KIF17: variants seen among roughly 807,000 people sequenced by gnomAD.
The protein encoded by KIF17 is kinesin family member 17, also known as kinesin-like protein KIF17.
In KIF17, 80 loss-of-function variants were observed where a neutral mutation model predicts 96.8. That is an observed-to-expected ratio of 0.83 (90% CI 0.69 to 1.00). The LOEUF is 1.00. Among genes scored for constraint, KIF17 ranks in the 50% least tolerant of loss-of-function variants. The pLI is 0.00. For missense variants in KIF17, 1,280 were observed against 1,372.9 expected (o/e 0.93, Z 1.07); for synonymous variants, 567 against 587.5 (o/e 0.97, Z 0.51).
intron 10 of KIF17, 66 bp from the exon 11 acceptor site, chr1:20,682,950 C>T: frequency 2.1e-6 from 3 of 1,414,204 alleles, no homozygotes; most frequent in Non-Finnish European, 3.0e-6. Context: ...TGCCATCCAG[C>T]AGGCTCCAGG....
intron 11 of KIF17, among the ~76,000 whole-genome samples, chr1:20,680,055 G>A (rs540345698): frequency 9.2e-5 from 14 of 152,212 alleles, no homozygotes; most frequent in African/African-American, 7.2e-5. Flanking sequence ...CACGATCTCC[G>A]CTCACTGCAA....
At position 20,684,844 on chromosome 1, in the gene KIF17, C is replaced by T. The variant is rs766994045; in HGVS notation, c.2196G>A (p.Pro732=). The T allele has an allele frequency of 1.8e-5, 29 of 1,593,176 alleles. No individual in the cohort carries two copies. In the East Asian group the frequency reaches 5.3e-4, roughly 29 times the overall value. ...CCTGCTGCTGGTCCACAACGGGCAG[C>T]GGGTCATCAGTCAGCACTGCCACCT... ...GMEVAVLTDD[P]LPVVDQQQVL... is the part of the protein sequence containing the mutation. The change falls in exon 10 of 15, where the codon CCG becomes CCA. Residue 732 remains proline (P), a synonymous_variant. Transcript: ENST00000400463.
intron 10 of KIF17, among the ~76,000 whole-genome samples, chr1:20,684,264 G>A (rs1203723216): frequency 6.6e-6 from 1 of 152,246 alleles, no homozygotes; most frequent in Admixed American, 6.5e-5. Context: ...AGCACTCAGG[G>A]GTCGCTCAGT....
At chr1:20,669,361 C>T (rs2053594964) in intron 13 of KIF17, among the ~76,000 whole-genome samples, 1 of 151,778 alleles carries the variant, frequency 6.6e-6, no homozygotes, top group African/African-American at 2.4e-5. Context: ...CACAGTGAAA[C>T]CCCGTCTCTA....
intron 6 of KIF17, among the ~76,000 whole-genome samples, chr1:20,697,596 C>T (rs1000879740): frequency 6.6e-5 from 10 of 152,084 alleles, no homozygotes; most frequent in South Asian, 2.1e-4. Context: ...GACAACAAGA[C>T]GCTGTCTCAA....
intron 2 of KIF17, among the ~76,000 whole-genome samples, chr1:20,714,063 C>T (rs1167232724): frequency 1.3e-5 from 2 of 152,130 alleles, no homozygotes; most frequent in African/African-American, 4.8e-5. Context: ...CGCGGTGGCT[C>T]ACGCCTGCAA....
chr1:20,713,596 G>A (rs763227674), intron 2 of KIF17, 41 bp from the exon 3 acceptor site: 7 of 1,456,178 alleles, frequency 4.8e-6, no homozygotes, highest in Middle Eastern at 1.7e-4. Flanking sequence ...CTCAGAGCTC[G>A]AAGTCCACCT....
At position 20,684,834 on chromosome 1, in the gene KIF17, C is replaced by T. The variant is rs1383931789; in HGVS notation, c.2206G>A (p.Val736Met). The change falls in exon 10 of 15, where the codon GTG becomes ATG. Residue 736 changes from valine (V) to methionine (M), a missense_variant. Physicochemically the swap from Val to Met is conservative, Grantham distance 21. Transcript: ENST00000400463. ...AVLTDDPLPV[V>M]DQQQVLARLQ... is the part of the protein sequence containing the mutation. ...CGGGCCAGCACCTGCTGCTGGTCCA[C>T]AACGGGCAGCGGGTCATCAGTCAGC... The T allele has an allele frequency of 6.3e-7, 1 of 1,589,772 alleles. No homozygotes were observed. Among genetic ancestry groups the T allele is most frequent in the Non-Finnish European group, 8.6e-7 (1 of 1,168,458 alleles).
At chr1:20,665,417 T>TTTTG (rs2053509886) in intron 14 of KIF17, among the ~76,000 whole-genome samples, 1 of 144,770 alleles carries the variant, frequency 6.9e-6, no homozygotes, top group Non-Finnish European at 1.5e-5. Flanking sequence ...TTTTTTTTTT[T>TTTTG]GAGACAGGGT....
Position 20,690,352 on chromosome 1 carries a change from G to GGCCCCCCC in KIF17, c.1234-18_1234-17insGGGGGGGC. ...TTCATACTCCTGGGGGGGTGGGAGGGACCAGAGGGCAGGCAGCATTTTATC... is the reference window on the plus strand; with the variant it reads ...TTCATACTCCTGGGGGGGTGGGAGGGGCCCCCCCACCAGAGGGCAGGCAGCATTTTATC... On this transcript the variant is annotated splice_polypyrimidine_tract_variant and intron_variant, in intron 6 of 14. Transcript: ENST00000400463. 8.9e-6 allele frequency: 4 copies of GGCCCCCCC among 451,124 alleles called. No individual in the cohort carries two copies. Among genetic ancestry groups the GGCCCCCCC allele is most frequent in the Non-Finnish European group, 1.3e-5 (3 of 235,116 alleles). The allele number at this position is 451,124 out of a possible 1,614,324, so 27.9% of individuals were successfully genotyped here.
At chr1:20,686,022 A>C in intron 9 of KIF17, 24 bp downstream of exon 9, 2 of 1,538,114 alleles carry the variant, frequency 1.3e-6, no homozygotes, top group Non-Finnish European at 1.8e-6. Context: ...CGTCCCCCAC[A>C]TGGAGGCCCG....
At chr1:20,705,770 G>GC (rs2054329933) in intron 4 of KIF17, among the ~76,000 whole-genome samples, 1 of 152,044 alleles carries the variant, frequency 6.6e-6, no homozygotes, top group African/African-American at 2.4e-5. Context: ...GTGATTCTGA[G>GC]CAAGTCAGAT....
chr1:20,696,021 A>C (rs1371561448), intron 6 of KIF17, among the ~76,000 whole-genome samples: 2 of 152,102 alleles, frequency 1.3e-5, no homozygotes, highest in African/African-American at 4.8e-5. Flanking sequence ...CATCCCTAAG[A>C]AGCAGCAGGA....
At position 20,709,759 on chromosome 1, in the gene KIF17, G is replaced by T; in HGVS notation, c.550C>A (p.Gln184Lys). ...LSMHTVHSVA[Q>K]CEHIMETGWK... ...CCAGTCTCCATGATGTGCTCACACT[G>T]GGCCACGCTGTGCACCGTGTGCATG... The change falls in exon 4 of 15, where the codon CAG becomes AAG. Residue 184 changes from glutamine (Q) to lysine (K), a missense_variant. Coordinates refer to ENST00000400463, the MANE Select transcript of KIF17 (RefSeq NM_001122819.3). This position sits in a 1 kb window ranked among gnomAD's most constrained non-coding sequence, Gnocchi z 4.7. The T allele has an allele frequency of 6.2e-7, 1 of 1,614,124 alleles. No individual in the cohort carries two copies. The highest frequency in any genetic ancestry group is 8.5e-7 in the Non-Finnish European group (1 of 1,180,034).
intron 7 of KIF17, 88 bp from the exon 8 acceptor site, chr1:20,688,032 T>G (rs80340571): frequency 4.4e-6 from 5 of 1,148,642 alleles, no homozygotes; most frequent in South Asian, 4.0e-5. Context: ...CAGTGTGTTG[T>G]TTTTTTTGTT....
At chr1:20,705,112 A>G (rs894011656) in intron 4 of KIF17, among the ~76,000 whole-genome samples, 4 of 152,222 alleles carry the variant, frequency 2.6e-5, no homozygotes, top group African/African-American at 7.2e-5. Flanking sequence ...AAGGTCACAC[A>G]GCTGCTAAGA....
chr1:20,704,741 G>T lies in KIF17; in HGVS notation c.829C>A (p.Leu277Met). 6.2e-7 allele frequency: 1 copy of T among 1,612,786 alleles called. No homozygotes were observed. The change falls in exon 5 of 15, where the codon CTG becomes ATG. Residue 277 changes from leucine to methionine, a missense_variant. Transcript: ENST00000400463. This position sits in a 1 kb window ranked among gnomAD's most constrained non-coding sequence, Gnocchi z 6.8. ...ACGTGCTTACAGCGCCCGTCCACCA[G>T]CGCCGAGATGACATTGCCCAGTGCC... The part of the protein sequence containing the change: ...LSALGNVISA[L>M]VDGRCKHVPY...
intron 6 of KIF17, among the ~76,000 whole-genome samples, chr1:20,696,594 G>A (rs527396271): frequency 5.9e-5 from 9 of 152,170 alleles, no homozygotes; most frequent in Non-Finnish European, 1.3e-4. Flanking sequence ...ACTCCCTGGT[G>A]ACCACCAGGG....
rs1235136162 is a variant in KIF17, at chr1:20,704,953, AG to A, written c.671-55del. ...GGCCTCGGGTGAGCCCTATGTATCG[AG>A]GGCAATCAGTGCCAGGCACTGGGTG... On this transcript the variant is annotated intron_variant, in intron 4 of 14. Transcript: ENST00000400463. This position sits in a 1 kb window ranked among gnomAD's most constrained non-coding sequence, Gnocchi z 6.8. 4 of 1,517,412 alleles carry A rather than the reference AG, an allele frequency of 2.6e-6. No individual in the cohort carries two copies. The highest frequency in any genetic ancestry group is 3.4e-5 in the Admixed American group (2 of 59,368). 94.0% of individuals were successfully genotyped at this position (1,517,412 alleles called of 1,614,324 possible). A position where few individuals can be genotyped will look rare whatever the true frequency, so the allele number is the denominator to read the frequency against.
Sources: allele counts gnomAD v4.1 joint callset (sites outside exome capture counted in the v4.1 genomes callset), GRCh38; gene constraint gnomAD v4.1.1; non-coding constraint Gnocchi (gnomAD v3.1); transcripts MANE v1.5; gene names NCBI Gene and HGNC (gene_info 2026-07-23, HGNC 2026-07-21).